Variants in MYL10 observed in about 807,000 individuals in gnomAD.
MYL10 encodes the protein myosin regulatory light chain 10.
A neutral mutation model predicts 21.9 loss-of-function variants in MYL10; 18 were observed. That is an observed-to-expected ratio of 0.82 (90% CI 0.57 to 1.22). The LOEUF is 1.22. Ranked by LOEUF, MYL10 falls within the 50% of genes most tolerant of loss-of-function variation. The pLI is 0.00. For synonymous variants in MYL10, 88 were observed against 82.8 expected (o/e 1.06, Z -0.34); for missense variants, 225 against 230.4 (o/e 0.98, Z 0.15).
chr7:101,622,237 A>G (rs749138874), intron 4 of MYL10, 37 bp from the exon 5 acceptor site: 3 of 1,520,154 alleles, frequency 2.0e-6, no homozygotes, highest in Admixed American at 1.8e-5. Context: ...GGAGGATAAG[A>G]GAGATCAGAG....
chr7:101,614,415 T>G (rs999764567), intron 6 of MYL10, among the ~76,000 whole-genome samples: 1 of 152,266 alleles, frequency 6.6e-6, no homozygotes, highest in Non-Finnish European at 1.5e-5. Context: ...TCACAGACTC[T>G]GTTTCAACCA....
In MYL10 at chr7:101,620,554, G is replaced by A. The variant is rs188409832; in HGVS notation, c.454+1542C>T. 2.0e-3 allele frequency among the ~76,000 whole-genome samples: 304 copies of A among 152,232 alleles called. 4 individuals carry two copies. The highest frequency in any genetic ancestry group is 6.1e-3 in the Admixed American group (93 of 15,282). ...CTGGTTTCACAGAATTTGTTACAGC[G>A]GGCTCAGAAAACTATTATAAGCCCA... On this transcript the variant is annotated intron_variant, in intron 5 of 7. Transcript: ENST00000223167.
chr7:101,622,067 C>A (rs750656435), intron 5 of MYL10, 29 bp downstream of exon 5: 4 of 1,561,520 alleles, frequency 2.6e-6, no homozygotes, highest in African/African-American at 2.7e-5. Flanking sequence ...TCCCTGCTGC[C>A]CCTCCAGGAC....
At chr7:101,618,721 C>G (rs989605717) in intron 5 of MYL10, among the ~76,000 whole-genome samples, 1 of 152,154 alleles carries the variant, frequency 6.6e-6, no homozygotes, top group Non-Finnish European at 1.5e-5. Context: ...CGGCTCCTGT[C>G]CCCTCCCACC....
intron 5 of MYL10, among the ~76,000 whole-genome samples, chr7:101,621,249 G>A (rs1796673910): frequency 6.6e-6 from 1 of 152,150 alleles, no homozygotes; most frequent in Admixed American, 6.5e-5. Context: ...GCCAGGGTTT[G>A]GGGTTGAGGT....
intron 6 of MYL10, among the ~76,000 whole-genome samples, chr7:101,614,301 T>C (rs1026066155): frequency 2.0e-5 from 3 of 152,222 alleles, no homozygotes; most frequent in Non-Finnish European, 2.9e-5. Flanking sequence ...GAGTGTCCTC[T>C]GGCACCGGCT....
intron 5 of MYL10, among the ~76,000 whole-genome samples, chr7:101,619,773 C>A (rs1392952640): frequency 6.6e-6 from 1 of 151,048 alleles, no homozygotes; most frequent in African/African-American, 2.4e-5. Context: ...ACCTGTAGCC[C>A]CAGTTACTTG....
At chr7:101,615,700 T>C (rs555455252) in intron 6 of MYL10, among the ~76,000 whole-genome samples, 568 of 144,692 alleles carry the variant, frequency 3.9e-3, no homozygotes, top group African/African-American at 0.013. Flanking sequence ...ACTTCTTCTT[T>C]TTTTTTTTTT....
At chr7:101,618,894 A>G (rs745859386) in intron 5 of MYL10, among the ~76,000 whole-genome samples, 7 of 152,216 alleles carry the variant, frequency 4.6e-5, no homozygotes, top group African/African-American at 7.2e-5. Context: ...TTTAGTCTCA[A>G]TCTTCCCATC....
intron 1 of MYL10, among the ~76,000 whole-genome samples, chr7:101,628,311 C>T (rs1796770344): frequency 6.6e-6 from 1 of 152,132 alleles, no homozygotes; most frequent in Admixed American, 6.5e-5. Context: ...AAAAAATTAG[C>T]CGAGCATGGT....
At chr7:101,621,402 T>C (rs1227427274) in intron 5 of MYL10, among the ~76,000 whole-genome samples, 1 of 151,980 alleles carries the variant, frequency 6.6e-6, no homozygotes, top group Non-Finnish European at 1.5e-5. Context: ...GGGGAGTAAC[T>C]TGCCCTGCAC....
chr7:101,616,318 G>A lies in MYL10; in HGVS notation c.455-20C>T, dbSNP rs930723542. The stretch of plus-strand genomic sequence containing the variant: ...CCGTGCCTATAAGCAGCACATACAG[G>A]GCAGGGAGAGAGGCAGGTGAAGAGG... On this transcript the variant is annotated intron_variant, in intron 5 of 7. Transcript: ENST00000223167. 6.2e-7 allele frequency: 1 copy of A among 1,604,882 alleles called. No individual in the cohort carries two copies.
chr7:101,614,295 G>A (rs1048817876), intron 6 of MYL10, among the ~76,000 whole-genome samples: 12 of 152,330 alleles, frequency 7.9e-5, no homozygotes, highest in African/African-American at 1.2e-4. Flanking sequence ...CACCCAGAGT[G>A]TCCTCTGGCA....
chr7:101,616,123 G>A (rs1796606515), intron 6 of MYL10, 97 bp downstream of exon 6: 1 of 990,228 alleles, frequency 1.0e-6, no homozygotes, highest in Admixed American at 2.0e-5. Flanking sequence ...CCAGCTCCTG[G>A]CTTCTGGGAG....
At chr7:101,623,176 A>G in intron 3 of MYL10, 104 bp from the exon 4 acceptor site, 1 of 1,046,548 alleles carries the variant, frequency 9.6e-7, no homozygotes. Context: ...GCCTCGGGGC[A>G]GGTCCCTCTG....
In MYL10 at chr7:101,613,702, T is replaced by C; in HGVS notation, c.542A>G (p.Glu181Gly). The C allele has an allele frequency of 6.2e-7, 1 of 1,614,046 alleles. No homozygotes were observed. The highest frequency in any genetic ancestry group is 8.5e-7 in the Non-Finnish European group (1 of 1,179,988). The change falls in exon 7 of 8, where the codon GAA becomes GGA. Residue 181 changes from glutamate (E) to glycine (G), a missense_variant. Coordinates refer to ENST00000223167, the MANE Select transcript of MYL10 (RefSeq NM_138403.5). ...KGFVKADVIK[E>G]KLMTQADRFS... ...GCGGTCTGCCTGGGTCATAAGTTTT[T>C]CTTTGATGCTGTTCAAGGGAGAGAC... is the stretch of plus-strand genomic sequence containing the variant.
Position 101,623,933 on chromosome 7 carries a change from G to A in MYL10, c.260C>T (p.Ala87Val), listed in dbSNP as rs1796713079. 1 of 375,558 alleles carries A rather than the reference G, an allele frequency of 2.7e-6. No homozygotes were observed. The highest frequency in any genetic ancestry group is 4.9e-6 in the Non-Finnish European group (1 of 205,314). 23.3% of individuals were successfully genotyped at this position (375,558 alleles called of 1,614,324 possible). A position where few individuals can be genotyped will look rare whatever the true frequency, so the allele number is the denominator to read the frequency against. ...AATCCCACCTACTTGGGAGGCTGAG[G>A]CAGGAGAATTGCTTGAACCCGTGAG... ...LCLTGSSNSP[A>V]SASQAFTIMD... is the part of the protein sequence containing the mutation. The change falls in exon 3 of 8, where the codon GCC becomes GTC. Residue 87 changes from alanine (A) to valine (V), a missense_variant. Ala to Val is a moderately conservative substitution (Grantham distance 64). Coordinates refer to ENST00000223167, the MANE Select transcript of MYL10 (RefSeq NM_138403.5).
rs1796574899 is a variant in MYL10, at chr7:101,613,642, C to T, written c.582+20G>A. ...GCCAGAGCAGAGAATCCGCCGTGAC[C>T]CACCAGAATCCCAGTTTACCTCCTC... On this transcript the variant is annotated intron_variant, in intron 7 of 7. Coordinates refer to ENST00000223167, the MANE Select transcript of MYL10 (RefSeq NM_138403.5). 3.1e-6 allele frequency: 5 copies of T among 1,613,974 alleles called. No homozygotes were observed. Among genetic ancestry groups the T allele is most frequent in the Admixed American group, 1.7e-5 (1 of 59,996 alleles).
Position 101,613,493 on chromosome 7 carries a change from GT to G in MYL10, c.662del (p.His221ProfsTer25). The stretch of plus-strand genomic sequence containing the variant: ...TGATCCCCTAATCCTTCTCTTCACC[GT>G]GAGTGATGACGTAGCACAGGTTTCT... ...DYRNLCYVITHGEEKD is the reference protein window; with the variant it reads ...DYRNLCYVITXGEEKD On this transcript the variant is annotated frameshift_variant, in exon 8 of 8. Transcript: ENST00000223167. LOFTEE classifies it high-confidence loss of function. 6.2e-7 allele frequency: 1 copy of G among 1,613,848 alleles called. No individual in the cohort carries two copies. The highest frequency in any genetic ancestry group is 8.5e-7 in the Non-Finnish European group (1 of 1,179,754).
Sources: allele counts gnomAD v4.1 joint callset (sites outside exome capture counted in the v4.1 genomes callset), GRCh38; gene constraint gnomAD v4.1.1; transcripts MANE v1.5; gene names NCBI Gene and HGNC (gene_info 2026-07-23, HGNC 2026-07-21).